Variants in MITF observed in about 807,000 individuals in gnomAD.
The protein encoded by MITF is melanocyte inducing transcription factor, also known as microphthalmia-associated transcription factor.
In MITF, 17 loss-of-function variants were observed where a neutral mutation model predicts 60.5. The observed-to-expected ratio is 0.28, with a 90% confidence interval of 0.19 to 0.42. The LOEUF (loss-of-function observed/expected upper bound fraction) is 0.42, where lower values mean the gene tolerates loss of function less well. Among genes scored for constraint, MITF ranks in the 10% least tolerant of loss-of-function variants. The pLI is 1.00. For synonymous variants in MITF, 260 were observed against 248.5 expected, an observed-to-expected ratio of 1.05 and a Z score of -0.43; for missense variants, 622 against 683.5, an observed-to-expected ratio of 0.91 and a Z score of 1.00.
chr3:69,874,365 G>A (rs2064305233), intron 1 of MITF, among the ~76,000 whole-genome samples: 1 of 152,148 alleles, frequency 6.6e-6, no homozygotes, highest in Non-Finnish European at 1.5e-5. Flanking sequence ...CATATAAAAA[G>A]TAGATTCCTT....
At chr3:69,924,423 A>G (rs895880571) in intron 2 of MITF, among the ~76,000 whole-genome samples, 2 of 152,256 alleles carry the variant, frequency 1.3e-5, no homozygotes, top group Non-Finnish European at 2.9e-5. Flanking sequence ...ACATGCTACC[A>G]TAACACTTTT....
intron 1 of MITF, among the ~76,000 whole-genome samples, chr3:69,756,982 T>G (rs907842533): frequency 3.9e-5 from 6 of 151,908 alleles, no homozygotes; most frequent in South Asian, 4.2e-4. Context: ...GGTGGGGTTG[T>G]TTTTTTTCCT....
At chr3:69,941,924 T>G (rs12491960) in intron 5 of MITF, among the ~76,000 whole-genome samples, 1 of 152,222 alleles carries the variant, frequency 6.6e-6, no homozygotes, top group Non-Finnish European at 1.5e-5. Context: ...AAAGTCTTAT[T>G]GCACATCTTA....
At chr3:69,872,961 G>A (rs373123783) in intron 1 of MITF, among the ~76,000 whole-genome samples, 1 of 152,276 alleles carries the variant, frequency 6.6e-6, no homozygotes, top group Admixed American at 6.5e-5. Context: ...CTTTTGGAAA[G>A]CATTTGCGTG....
chr3:69,957,136 A>G (rs890013589), intron 8 of MITF, among the ~76,000 whole-genome samples: 2 of 152,178 alleles, frequency 1.3e-5, no homozygotes, highest in Non-Finnish European at 2.9e-5. Flanking sequence ...CCCTTCAGAG[A>G]TAACAGCTGT....
chr3:69,851,257 T>TA (rs1292054676), intron 1 of MITF, among the ~76,000 whole-genome samples: 1 of 152,192 alleles, frequency 6.6e-6, no homozygotes, highest in African/African-American at 2.4e-5. Flanking sequence ...CTTATACTTT[T>TA]CCTATAGGTT....
intron 1 of MITF, among the ~76,000 whole-genome samples, chr3:69,862,830 A>G (rs1307207096): frequency 6.6e-6 from 1 of 152,196 alleles, no homozygotes; most frequent in Non-Finnish European, 1.5e-5. Context: ...GGCAAAGAGT[A>G]GTACTTATTA....
chr3:69,896,556 G>T (rs1199258186), intron 2 of MITF, among the ~76,000 whole-genome samples: 1 of 152,188 alleles, frequency 6.6e-6, no homozygotes, highest in Non-Finnish European at 1.5e-5. Context: ...CTGAATTAGG[G>T]TTTACTGATT....
intron 1 of MITF, among the ~76,000 whole-genome samples, chr3:69,828,811 C>G (rs984901363): frequency 6.6e-6 from 1 of 152,060 alleles, no homozygotes; most frequent in African/African-American, 2.4e-5. Context: ...GCATCATGAA[C>G]TTGCTAATTT....
At chr3:69,937,582 G>A (rs1178757684) in intron 2 of MITF, among the ~76,000 whole-genome samples, 1 of 152,156 alleles carries the variant, frequency 6.6e-6, no homozygotes, top group Non-Finnish European at 1.5e-5. Context: ...GTTTGAAAGA[G>A]ACGTATAGTT....
chr3:69,960,293 G>A (rs1020856887), intron 9 of MITF, among the ~76,000 whole-genome samples: 3 of 152,136 alleles, frequency 2.0e-5, no homozygotes, highest in Admixed American at 6.5e-5. Flanking sequence ...TGGAATTATA[G>A]CATATATATC....
intron 1 of MITF, among the ~76,000 whole-genome samples, chr3:69,768,549 A>G (rs1273578251): frequency 6.6e-6 from 1 of 152,226 alleles, no homozygotes; most frequent in African/African-American, 2.4e-5. Context: ...TCTTCCATAC[A>G]TAATTTGGCT....
intron 1 of MITF, among the ~76,000 whole-genome samples, chr3:69,740,203 C>A (rs762142645): frequency 6.6e-6 from 1 of 152,104 alleles, no homozygotes; most frequent in South Asian, 2.1e-4. Context: ...TCTTGGGAGT[C>A]CGGTCTCTGT....
At chr3:69,870,440 A>ATATTTTT (rs1435617160) in intron 1 of MITF, among the ~76,000 whole-genome samples, 1 of 135,262 alleles carries the variant, frequency 7.4e-6, no homozygotes, top group African/African-American at 2.8e-5. Flanking sequence ...ATATATATAT[A>ATATTTTT]TTTTTTTTTT....
chr3:69,807,844 G>A (rs960041649), intron 1 of MITF, among the ~76,000 whole-genome samples: 8 of 152,086 alleles, frequency 5.3e-5, no homozygotes, highest in Admixed American at 1.3e-4. Context: ...ACTAAGCTTC[G>A]TGATTGCAAA....
intron 1 of MITF, among the ~76,000 whole-genome samples, chr3:69,845,181 G>A (rs549853403): frequency 4.9e-4 from 74 of 151,844 alleles, no homozygotes; most frequent in African/African-American, 1.6e-3. Flanking sequence ...TCCATCATTG[G>A]TTCATCTTGG....
intron 1 of MITF, among the ~76,000 whole-genome samples, chr3:69,796,463 G>A (rs1038044233): frequency 6.7e-6 from 1 of 148,668 alleles, no homozygotes; most frequent in African/African-American, 2.5e-5. Context: ...TGAATGCACA[G>A]CAGTTTGTGA....
At chr3:69,744,205 C>T (rs1232147521) in intron 1 of MITF, among the ~76,000 whole-genome samples, 1 of 152,214 alleles carries the variant, frequency 6.6e-6, no homozygotes, top group East Asian at 1.9e-4. Context: ...GGTGTAAGGC[C>T]GCTGCCATTT....
intron 1 of MITF, among the ~76,000 whole-genome samples, chr3:69,750,383 CT>C (rs72318666): frequency 0.52 from 58,764 of 113,792 alleles, 13,481 homozygotes; most frequent in Non-Finnish European, 0.61. Flanking sequence ...TAGAGCTTTC[CT>C]TTTTTTTTTT....
Sources: allele counts gnomAD v4.1 joint callset (sites outside exome capture counted in the v4.1 genomes callset), GRCh38; gene constraint gnomAD v4.1.1; transcripts MANE v1.5; gene names NCBI Gene and HGNC (gene_info 2026-07-23, HGNC 2026-07-21).